The following PTK2 variants were observed in gnomAD, a reference collection of about 807,000 sequenced individuals.
PTK2 encodes the protein focal adhesion kinase 1.
A neutral mutation model predicts 150.1 loss-of-function variants in PTK2; 45 were observed. The observed-to-expected ratio is 0.30, with a 90% CI of 0.24 to 0.38. The LOEUF is 0.38. Ranked by LOEUF, PTK2 falls within the 10% of genes least tolerant of loss-of-function variation. The pLI is 1.00. For synonymous variants in PTK2, 432 were observed against 449.2 expected (o/e 0.96, Z 0.48); for missense variants, 919 against 1,307.3 (o/e 0.70, Z 4.58).
intron 2 of PTK2, among the ~76,000 whole-genome samples, chr8:140,921,815 G>T (rs976632620): frequency 1.3e-5 from 2 of 152,162 alleles, no homozygotes; most frequent in African/African-American, 4.8e-5. Context: ...ATCTGTACTA[G>T]CAACTTTTTA....
At chr8:140,964,632 G>C (rs903936145) in intron 1 of PTK2, among the ~76,000 whole-genome samples, 7 of 137,310 alleles carry the variant, frequency 5.1e-5, no homozygotes, top group South Asian at 2.3e-4. Flanking sequence ...CTGGACTCAA[G>C]AGATCCACCC....
chr8:140,939,302 C>CA (rs985869554), intron 1 of PTK2, among the ~76,000 whole-genome samples: 39 of 151,998 alleles, frequency 2.6e-4, no homozygotes, highest in African/African-American at 8.9e-4. Context: ...CAAGAAATTG[C>CA]AAAAAAATTA....
intron 1 of PTK2, among the ~76,000 whole-genome samples, chr8:140,940,977 A>T (rs2100175543): frequency 6.6e-6 from 1 of 152,164 alleles, no homozygotes; most frequent in Admixed American, 6.5e-5. Flanking sequence ...TCTCAAAAAA[A>T]ATTTTTTTAA....
chr8:140,701,016 T>C, exon 26 of PTK2: 1 of 1,613,770 alleles, frequency 6.2e-7, no homozygotes, highest in Non-Finnish European at 8.5e-7. Flanking sequence ...TCCAATACTG[T>C]AGAGTCCTGG....
chr8:140,750,788 G>GA (rs947045248), intron 17 of PTK2, among the ~76,000 whole-genome samples: 1 of 152,158 alleles, frequency 6.6e-6, no homozygotes, highest in Non-Finnish European at 1.5e-5. Flanking sequence ...TGGAGGTGGA[G>GA]AAAATTATTT....
At chr8:140,902,588 C>T (rs987430987) in intron 2 of PTK2, among the ~76,000 whole-genome samples, 3 of 152,150 alleles carry the variant, frequency 2.0e-5, no homozygotes, top group Non-Finnish European at 2.9e-5. Flanking sequence ...AGTGTAAAAG[C>T]GTTCCTATTT....
At chr8:140,731,026 C>T (rs762000179) in intron 22 of PTK2, among the ~76,000 whole-genome samples, 1 of 141,158 alleles carries the variant, frequency 7.1e-6, no homozygotes, top group Non-Finnish European at 1.5e-5. Context: ...TGGCGCAATA[C>T]CGGCTCACTG....
chr8:140,815,109 G>A (rs548224369), intron 10 of PTK2, among the ~76,000 whole-genome samples: 1 of 151,954 alleles, frequency 6.6e-6, no homozygotes, highest in African/African-American at 2.4e-5. Context: ...ATACATGTAC[G>A]TCTAATGCAG....
chr8:140,846,313 G>A (rs1374167701), exon 7 of PTK2: 4 of 1,612,242 alleles, frequency 2.5e-6, no homozygotes, highest in Non-Finnish European at 2.5e-6. Context: ...GCATCTCCCA[G>A]TATGATCGCC....
chr8:140,662,728 C>T, intron 31 of PTK2: 1 of 591,936 alleles, frequency 1.7e-6, no homozygotes, highest in South Asian at 2.0e-5. Context: ...ATCCCCTGGA[C>T]ATCGTATGTC....
intron 8 of PTK2, 56 bp downstream of exon 8, chr8:140,830,416 G>A (rs978192116): frequency 1.7e-6 from 2 of 1,181,830 alleles, no homozygotes; most frequent in Non-Finnish European, 2.4e-6. Flanking sequence ...TACCACTGGG[G>A]AAAAGGTCTT....
At chr8:140,758,783 A>G (rs1237142811) in intron 16 of PTK2, among the ~76,000 whole-genome samples, 3 of 152,222 alleles carry the variant, frequency 2.0e-5, no homozygotes, top group Admixed American at 6.5e-5. Flanking sequence ...TTTATAGCCT[A>G]TAGTAGTGTA....
At chr8:140,676,021 T>C (rs1465844509) in intron 27 of PTK2, among the ~76,000 whole-genome samples, 1 of 152,150 alleles carries the variant, frequency 6.6e-6, no homozygotes, top group Non-Finnish European at 1.5e-5. Context: ...TGTCCATCAA[T>C]GAATGTCTGG....
chr8:140,685,238 T>C (rs542983190), intron 27 of PTK2, among the ~76,000 whole-genome samples: 1 of 152,088 alleles, frequency 6.6e-6, no homozygotes, highest in African/African-American at 2.4e-5. Context: ...TATACAAAAA[T>C]CAACTCAAGA....
exon 25 of PTK2, chr8:140,702,674 C>T (rs760742342): frequency 6.2e-7 from 1 of 1,613,990 alleles, no homozygotes; most frequent in South Asian, 1.1e-5. Flanking sequence ...CCAGCCATGG[C>T]TGTGATTCCA....
At chr8:140,658,784 A>G (rs1319704765) in exon 32 of PTK2, 3 of 224,436 alleles carry the variant, frequency 1.3e-5, no homozygotes, top group East Asian at 6.5e-5. Flanking sequence ...AAACTGGCAC[A>G]TTATTCTGTG....
chr8:140,925,295 A>C (rs920301536), intron 2 of PTK2, among the ~76,000 whole-genome samples: 1 of 152,168 alleles, frequency 6.6e-6, no homozygotes, highest in Non-Finnish European at 1.5e-5. Context: ...TGTTTGCATT[A>C]ATCAGGGAGT....
rs139110623 is a variant in PTK2, at chr8:140,725,135, A to G, written c.2031-7426T>C. ...TGATATCCACTAAGACTGTACCTTT[A>G]TTTTTTTCTATTTTTTGAATTGGGG... is the stretch of plus-strand genomic sequence containing the variant. On this transcript the variant is annotated intron_variant, in intron 22 of 31. Transcript: ENST00000522684. 1.3e-3 allele frequency among the ~76,000 whole-genome samples: 194 copies of G among 152,006 alleles called. 1 individual carries two copies. The highest frequency in any genetic ancestry group is 6.8e-3 in the Middle Eastern group (2 of 294).
chr8:140,674,111 G>T (rs748526949), intron 29 of PTK2, 187 bp downstream of exon 32: 2 of 749,990 alleles, frequency 2.7e-6, no homozygotes, highest in Non-Finnish European at 4.9e-6. Flanking sequence ...TTTGCATAAA[G>T]CTTTTCCCTG....
Sources: gnomAD v4.1 joint callset for allele counts (sites outside exome capture counted in the v4.1 genomes callset) on GRCh38, gnomAD v4.1.1 for gene constraint, MANE v1.5 for transcripts, NCBI Gene and HGNC (gene_info 2026-07-23, HGNC 2026-07-21) for gene names.